Variants in BMP7 observed in about 807,000 individuals in gnomAD.
BMP7 encodes the protein osteogenic protein 1.
A neutral mutation model predicts 41.2 loss-of-function variants in BMP7; 12 were observed. The observed-to-expected ratio is 0.29, with a 90% CI of 0.19 to 0.47. The LOEUF (loss-of-function observed/expected upper bound fraction) is 0.47, where lower values mean the gene tolerates loss of function less well. Among genes scored for constraint, BMP7 ranks in the 20% least tolerant of loss-of-function variants. BMP7 has a pLI of 0.99. For missense variants in BMP7, 467 were observed against 606.0 expected (o/e 0.77, Z 2.41); for synonymous variants, 248 against 250.0 (o/e 0.99, Z 0.07).
Position 57,228,429 on chromosome 20 carries a change from A to T in BMP7, c.419-8T>A. The stretch of plus-strand genomic sequence containing the variant: ...ATTCCTTGTCATGTTCCACTGGAAG[A>T]GGAAGAGAACACACACCAACACCGA... On this transcript the variant is annotated splice_polypyrimidine_tract_variant and splice_region_variant and intron_variant, in intron 1 of 6. Coordinates refer to ENST00000395863, the MANE Select transcript of BMP7 (RefSeq NM_001719.3). This position sits in a 1 kb window ranked among gnomAD's most constrained non-coding sequence, Gnocchi z 4.5. 1 of 1,613,978 alleles carries T rather than the reference A, an allele frequency of 6.2e-7. No individual in the cohort carries two copies. Among genetic ancestry groups the T allele is most frequent in the Non-Finnish European group, 8.5e-7 (1 of 1,179,838 alleles).
chr20:57,180,119 A>AGGGG (rs1984041682), intron 4 of BMP7, among the ~76,000 whole-genome samples: 1 of 151,790 alleles, frequency 6.6e-6, no homozygotes, highest in Non-Finnish European at 1.5e-5. Flanking sequence ...GCCTCTGAGC[A>AGGGG]CCCCCTCGGC....
chr20:57,222,008 G>A (rs1985200824), intron 2 of BMP7, among the ~76,000 whole-genome samples: 1 of 152,086 alleles, frequency 6.6e-6, no homozygotes. Flanking sequence ...ATCGCATTGT[G>A]GACCCAGCTA....
intron 2 of BMP7, among the ~76,000 whole-genome samples, chr20:57,226,587 C>T (rs1465338167): frequency 4.6e-5 from 7 of 152,174 alleles, no homozygotes; most frequent in Non-Finnish European, 1.0e-4. Context: ...CCGTGTGAAC[C>T]CCTGGAAAGG....
intron 3 of BMP7, among the ~76,000 whole-genome samples, chr20:57,191,693 G>A (rs905964767): frequency 6.7e-6 from 1 of 148,486 alleles, no homozygotes; most frequent in Non-Finnish European, 1.5e-5. Flanking sequence ...ATCATGTCAC[G>A]GCGCTCCAGC....
At chr20:57,210,352 G>A (rs1263561231) in intron 2 of BMP7, among the ~76,000 whole-genome samples, 1 of 152,200 alleles carries the variant, frequency 6.6e-6, no homozygotes, top group African/African-American at 2.4e-5. Flanking sequence ...CGTTTCCAGT[G>A]TCTCCCAGCC....
Position 57,250,037 on chromosome 20 carries a change from G to T in BMP7, c.418+15668C>A, listed in dbSNP as rs138907783. Reference sequence around the variant, plus strand: ...AGACTTGCCATCCCCAAAGCTCGGCGAGTAATTTGTCATTCCTGACCCTAT... The same window carrying T: ...AGACTTGCCATCCCCAAAGCTCGGCTAGTAATTTGTCATTCCTGACCCTAT... On this transcript the variant is annotated intron_variant, in intron 1 of 6. Coordinates refer to ENST00000395863, the MANE Select transcript of BMP7 (RefSeq NM_001719.3). Among the ~76,000 whole-genome samples the T allele has an allele frequency of 3.6e-3, 551 of 152,240 alleles. 3 individuals are homozygous for T. The highest frequency in any genetic ancestry group is 0.01 in the Middle Eastern group (3 of 294).
chr20:57,226,255 G>T (rs2066005782), intron 2 of BMP7, among the ~76,000 whole-genome samples: 2 of 152,248 alleles, frequency 1.3e-5, no homozygotes, highest in African/African-American at 4.8e-5. Context: ...GCTGAGTGGA[G>T]AATCCAGATA....
Position 57,171,114 on chromosome 20 carries a change from A to G in BMP7, c.1147-6T>C, listed in dbSNP as rs752351071. On this transcript the variant is annotated splice_region_variant and splice_polypyrimidine_tract_variant and intron_variant, in intron 6 of 6. Coordinates refer to ENST00000395863, the MANE Select transcript of BMP7 (RefSeq NM_001719.3). The surrounding 1 kb of genome is among the most constrained non-coding windows in gnomAD (Gnocchi z 4.5). ...TCCGGGTTGATGAAGTGGACCTGAA[A>G]CACACACCAAAACATGGGCAGTGGT... is the stretch of plus-strand genomic sequence containing the variant. The G allele has an allele frequency of 1.2e-6, 2 of 1,614,168 alleles. No individual in the cohort carries two copies. The highest frequency in any genetic ancestry group is 2.2e-5 in the South Asian group (2 of 91,082).
chr20:57,266,169 C>G lies in BMP7; in HGVS notation c.-47G>C. 9.6e-6 allele frequency: 14 copies of G among 1,464,228 alleles called. No individual in the cohort carries two copies. Among genetic ancestry groups the G allele is most frequent in the South Asian group, 1.4e-5 (1 of 72,576 alleles). The allele number at this position is 1,464,228 out of a possible 1,614,324, so 90.7% of individuals were successfully genotyped here. ...CCGGGCTCCGGGCTCCGGGCCCGCA[C>G]CGCCCCAGGTGGCAGAGGGGGCAGG... On this transcript the variant is annotated 5_prime_UTR_variant, in exon 1 of 7. Coordinates refer to ENST00000395863, the MANE Select transcript of BMP7 (RefSeq NM_001719.3).
intron 1 of BMP7, among the ~76,000 whole-genome samples, chr20:57,231,317 G>A (rs374385426): frequency 4.2e-4 from 64 of 152,316 alleles, no homozygotes; most frequent in African/African-American, 1.4e-3. Flanking sequence ...GTTCATAGGC[G>A]TTCAGGGAGT....
At chr20:57,187,521 GC>G (rs1160299439) in intron 3 of BMP7, among the ~76,000 whole-genome samples, 1 of 149,344 alleles carries the variant, frequency 6.7e-6, no homozygotes, top group African/African-American at 2.5e-5. Context: ...TGGAAAAGAA[GC>G]CTCCCACTCT....
At chr20:57,251,339 C>A (rs182042073) in intron 1 of BMP7, among the ~76,000 whole-genome samples, 41 of 152,292 alleles carry the variant, frequency 2.7e-4, no homozygotes, top group Non-Finnish European at 4.7e-4. Flanking sequence ...TGCAGTCTGA[C>A]GGTCTGACTC....
Position 57,266,452 on chromosome 20 carries a change from C to CCGGGGAGGCAG in BMP7, c.-341_-331dup, listed in dbSNP as rs930910680. ...AGCCTAGGAGTCCAGAGAGCCAACG[C>CCGGGGAGGCAG]CGGGGAGGCAGCGAGGAGGCAGGCG... On this transcript the variant is annotated 5_prime_UTR_variant, in exon 1 of 7. Coordinates refer to ENST00000395863, the MANE Select transcript of BMP7 (RefSeq NM_001719.3). 5 of 182,164 alleles carry CCGGGGAGGCAG rather than the reference C, an allele frequency of 2.7e-5. No homozygotes were observed. Among genetic ancestry groups the CCGGGGAGGCAG allele is most frequent in the Non-Finnish European group, 4.5e-5 (4 of 88,458 alleles). The allele number at this position is 182,164 out of a possible 1,614,324, so 11.3% of individuals were successfully genotyped here.
intron 1 of BMP7, among the ~76,000 whole-genome samples, chr20:57,251,607 T>C (rs2123142974): frequency 6.6e-6 from 1 of 152,262 alleles, no homozygotes; most frequent in African/African-American, 2.4e-5. Flanking sequence ...GCTGAGTCAC[T>C]GTCTGCAGAA....
At chr20:57,248,431 G>A (rs952136225) in intron 1 of BMP7, among the ~76,000 whole-genome samples, 1 of 152,194 alleles carries the variant, frequency 6.6e-6, no homozygotes, top group African/African-American at 2.4e-5. Context: ...CAAGAGACAA[G>A]GAGAAGTCTT....
rs752403942 is a variant in BMP7 at position 57,202,601 on chromosome 20, C to A, written c.634G>T (p.Asp212Tyr). The A allele has an allele frequency of 6.2e-7, 1 of 1,612,032 alleles. No individual in the cohort carries two copies. Among genetic ancestry groups the A allele is most frequent in the Non-Finnish European group, 8.5e-7 (1 of 1,180,006 alleles). ...LGRESDLFLLDSRTLWASEEG... is the reference protein window; with the variant it reads ...LGRESDLFLLYSRTLWASEEG... Reference sequence around the variant, plus strand: ...TCCGAGGCCCAGAGGGTACGGCTGTCGAGCAGGAAGAGATCCGATTCCCTG... The same window carrying A: ...TCCGAGGCCCAGAGGGTACGGCTGTAGAGCAGGAAGAGATCCGATTCCCTG... Residue 212 changes from aspartate (D) to tyrosine (Y), a missense_variant, in exon 3 of 7, where the codon GAC becomes TAC. Physicochemically the swap from Asp to Tyr is radical, Grantham distance 160. Around this residue, in one of 2 missense-constraint regions of BMP7, gnomAD observed 407 missense variants for 485.9 expected, o/e 0.84. Coordinates refer to ENST00000395863, the MANE Select transcript of BMP7 (RefSeq NM_001719.3).
intron 1 of BMP7, among the ~76,000 whole-genome samples, chr20:57,240,376 G>T (rs1306413219): frequency 6.6e-6 from 1 of 152,186 alleles, no homozygotes; most frequent in African/African-American, 2.4e-5. Context: ...CTTCAGCCTG[G>T]ATTTTATTGT....
chr20:57,223,274 T>A (rs986716326), intron 2 of BMP7, among the ~76,000 whole-genome samples: 2 of 151,810 alleles, frequency 1.3e-5, no homozygotes, highest in Admixed American at 6.6e-5. Flanking sequence ...CTTGGGCATG[T>A]AAGACAGCTC....
At chr20:57,173,421 G>T in intron 5 of BMP7, 111 bp from the exon 6 acceptor site, 1 of 1,051,542 alleles carries the variant, frequency 9.5e-7, no homozygotes, top group Non-Finnish European at 1.4e-6. Flanking sequence ...CAAGGTGGAA[G>T]CCTCAGACCA....
Sources: allele counts gnomAD v4.1 joint callset (sites outside exome capture counted in the v4.1 genomes callset), GRCh38; gene constraint gnomAD v4.1.1; regional missense constraint gnomAD v4.1.1; non-coding constraint Gnocchi (gnomAD v3.1); transcripts MANE v1.5; gene names NCBI Gene and HGNC (gene_info 2026-07-23, HGNC 2026-07-21).